Variants in TFAP2B observed in about 807,000 individuals in gnomAD.
The protein encoded by TFAP2B is transcription factor AP-2 beta.
Under a neutral mutation model 44.3 loss-of-function variants are expected in TFAP2B, and 9 were observed. That is an observed-to-expected ratio of 0.20 (90% confidence interval 0.12 to 0.35). The LOEUF (loss-of-function observed/expected upper bound fraction) is 0.35. Ranked by LOEUF, TFAP2B falls within the 10% of genes least tolerant of loss-of-function variation. TFAP2B has a pLI of 1.00. For synonymous variants in TFAP2B, 270 were observed against 263.8 expected (o/e 1.02, Z -0.23); for missense variants, 509 against 600.0 (o/e 0.85, Z 1.59).
At position 50,823,633 on chromosome 6, in the gene TFAP2B, A is replaced by C. The variant is rs560581205; in HGVS notation, c.308A>C (p.Gln103Pro). 6.2e-7 allele frequency: 1 copy of C among 1,614,062 alleles called. No individual in the cohort carries two copies. The highest frequency in any genetic ancestry group is 1.1e-5 in the South Asian group (1 of 91,076). ...YSLNPLHQPQQHPWGQRQRQE... is the reference protein window; with the variant it reads ...YSLNPLHQPQPHPWGQRQRQE... ...CTGAACCCACTGCACCAGCCCCAGC[A>C]ACATCCCTGGGGGCAACGGCAGCGG... is the stretch of plus-strand genomic sequence containing the variant. The change falls in exon 2 of 7, where the codon CAA becomes CCA. Residue 103 changes from glutamine (Q) to proline (P), a missense_variant. Transcript: ENST00000393655.
chr6:50,835,041 CCT>C (rs1346893501), intron 3 of TFAP2B, among the ~76,000 whole-genome samples: 1 of 152,206 alleles, frequency 6.6e-6, no homozygotes, highest in Non-Finnish European at 1.5e-5. Context: ...CTGAGCCTAG[CCT>C]CTTTCTGACA....
chr6:50,840,361 G>T lies in TFAP2B; in HGVS notation c.1082+64G>T, dbSNP rs1403045173. On this transcript the variant is annotated intron_variant, in intron 6 of 6. Coordinates refer to ENST00000393655, the MANE Select transcript of TFAP2B (RefSeq NM_003221.4). The stretch of plus-strand genomic sequence containing the variant: ...GCTGGCTAGGCCACCCGACTTTGGA[G>T]TAGGTGGTGGGGAGGGGCAGAGAAA... 5 of 1,595,876 alleles carry T rather than the reference G, an allele frequency of 3.1e-6. No homozygotes were observed. In the East Asian group the frequency reaches 1.1e-4, roughly 36 times the overall value.
Position 50,823,651 on chromosome 6 carries a change from G to A in TFAP2B, c.326G>A (p.Arg109Gln). The change falls in exon 2 of 7, where the codon CGG becomes CAG. Residue 109 changes from arginine (R) to glutamine (Q), a missense_variant. Physicochemically the swap from Arg to Gln is conservative, Grantham distance 43 (BLOSUM62 1). Coordinates refer to ENST00000393655, the MANE Select transcript of TFAP2B (RefSeq NM_003221.4). ...CCCCAGCAACATCCCTGGGGGCAAC[G>A]GCAGCGGCAAGAAGTGGGTTCGGAA... ...HQPQQHPWGQ[R>Q]QRQEVGSEAG... 3 of 1,614,020 alleles carry A rather than the reference G, an allele frequency of 1.9e-6. No individual in the cohort carries two copies. Among genetic ancestry groups the A allele is most frequent in the Non-Finnish European group, 2.5e-6 (3 of 1,179,964 alleles).
rs2113963367 is a variant in TFAP2B at position 50,844,391 on chromosome 6, G to A, written c.*999G>A. 1 of 152,370 alleles carries A rather than the reference G, an allele frequency of 6.6e-6. No homozygotes were observed. Among genetic ancestry groups the A allele is most frequent in the South Asian group, 2.1e-4 (1 of 4,824 alleles). The allele number at this position is 152,370 out of a possible 1,614,324, so 9.4% of individuals were successfully genotyped here. The stretch of plus-strand genomic sequence containing the variant: ...ATTTCATTCTCTTCTGTTTTCCAAA[G>A]CTTTGCCCGCATGGTTTATGAGCTT... On this transcript the variant is annotated 3_prime_UTR_variant, in exon 7 of 7. Coordinates refer to ENST00000393655, the MANE Select transcript of TFAP2B (RefSeq NM_003221.4).
At chr6:50,825,426 T>C (rs1770476377) in intron 2 of TFAP2B, among the ~76,000 whole-genome samples, 1 of 152,198 alleles carries the variant, frequency 6.6e-6, no homozygotes, top group African/African-American at 2.4e-5. Context: ...TTGATGATGC[T>C]AATGCCGGCC....
rs890115687 is a variant in TFAP2B, at chr6:50,847,180, A to T, written c.*3788A>T. The T allele has an allele frequency of 4.6e-5, 7 of 152,564 alleles. No homozygotes were observed. Among genetic ancestry groups the T allele is most frequent in the African/African-American group, 1.7e-4 (7 of 41,402 alleles). The allele number at this position is 152,564 out of a possible 1,614,324, so 9.5% of individuals were successfully genotyped here. ...CACCTTTGACGATGTATGTGAAATT[A>T]CTGGCTTAAAAAAAAAAGTATCAAT... On this transcript the variant is annotated 3_prime_UTR_variant, in exon 7 of 7. Coordinates refer to ENST00000393655, the MANE Select transcript of TFAP2B (RefSeq NM_003221.4).
At chr6:50,821,960 G>A (rs2857478) in intron 1 of TFAP2B, 94 of 315,412 alleles carry the variant, frequency 3.0e-4, no homozygotes, top group South Asian at 1.7e-3. Context: ...GACAGGCATC[G>A]CCAATCTTGT....
intron 5 of TFAP2B, 30 bp from the exon 6 acceptor site, chr6:50,840,126 G>A (rs1268738814): frequency 6.2e-7 from 1 of 1,613,520 alleles, no homozygotes; most frequent in East Asian, 2.2e-5. Context: ...CCTGGGTGCT[G>A]ATTATTACCT....
intron 5 of TFAP2B, among the ~76,000 whole-genome samples, chr6:50,839,874 C>G (rs1359091161): frequency 6.6e-6 from 1 of 152,102 alleles, no homozygotes; most frequent in Non-Finnish European, 1.5e-5. Flanking sequence ...TGGCTCTTGA[C>G]AAAAAGATTA....
intron 4 of TFAP2B, among the ~76,000 whole-genome samples, chr6:50,836,868 C>T (rs1762634146): frequency 6.6e-6 from 1 of 152,178 alleles, no homozygotes; most frequent in Admixed American, 6.5e-5. Flanking sequence ...CCAATAATAG[C>T]AATAATATCA....
chr6:50,821,415 G>C (rs1391692043), intron 1 of TFAP2B, among the ~76,000 whole-genome samples: 2 of 152,006 alleles, frequency 1.3e-5, no homozygotes, highest in Non-Finnish European at 2.9e-5. Context: ...TTTTGTTTTT[G>C]TAATCCTCAC....
chr6:50,840,050 G>T (rs375943729), intron 5 of TFAP2B, 106 bp from the exon 6 acceptor site: 6 of 1,465,072 alleles, frequency 4.1e-6, no homozygotes, highest in Non-Finnish European at 4.7e-6. Context: ...GGCTCCAACA[G>T]CTGGCCTTCT....
Position 50,828,687 on chromosome 6 carries a change from T to A in TFAP2B, c.601+8T>A, listed in dbSNP as rs1460642994. 1 of 1,613,896 alleles carries A rather than the reference T, an allele frequency of 6.2e-7. No homozygotes were observed. The highest frequency in any genetic ancestry group is 1.3e-5 in the African/African-American group (1 of 74,936). ...AGTCTGTCATTAAAAAAGGTATGGA[T>A]AATTCCCCCCAAAAAGTAAGCAAAG... On this transcript the variant is annotated splice_region_variant and intron_variant, in intron 3 of 6. Coordinates refer to ENST00000393655, the MANE Select transcript of TFAP2B (RefSeq NM_003221.4).
At chr6:50,837,321 C>T (rs1762642690) in intron 4 of TFAP2B, among the ~76,000 whole-genome samples, 1 of 152,150 alleles carries the variant, frequency 6.6e-6, no homozygotes, top group African/African-American at 2.4e-5. Context: ...TGCTTTGAGC[C>T]TCAGAGTGTG....
Position 50,823,525 on chromosome 6 carries a change from C to A in TFAP2B, c.200C>A (p.Pro67Gln). 1 of 1,613,864 alleles carries A rather than the reference C, an allele frequency of 6.2e-7. No individual in the cohort carries two copies. The highest frequency in any genetic ancestry group is 8.5e-7 in the Non-Finnish European group (1 of 1,179,936). The change falls in exon 2 of 7, where the codon CCG becomes CAG. Residue 67 changes from proline to glutamine, a missense_variant. Transcript: ENST00000393655. ...CACACCCCGTCGTCGGACTTCCAGC[C>A]GCCCTACTTCCCACCCCCCTACCAG... is the stretch of plus-strand genomic sequence containing the variant. Reference protein sequence around the residue: ...LSHTPSSDFQPPYFPPPYQPL... With the variant: ...LSHTPSSDFQQPYFPPPYQPL...
At position 50,835,827 on chromosome 6, in the gene TFAP2B, G is replaced by A. The variant is rs557444488; in HGVS notation, c.602-234G>A. On this transcript the variant is annotated intron_variant, in intron 3 of 6. Transcript: ENST00000393655. ...GATTTGGGTAGTGAGCAGGACTGTA[G>A]CAAATGACACTCATATGTCTACACA... 2.6e-5 allele frequency among the ~76,000 whole-genome samples: 4 copies of A among 152,332 alleles called. No homozygotes were observed. The South Asian group carries it at 8.3e-4, about 32-fold the overall frequency.
chr6:50,832,369 T>G (rs1019918036), intron 3 of TFAP2B, among the ~76,000 whole-genome samples: 11 of 152,264 alleles, frequency 7.2e-5, no homozygotes. Context: ...TTCTAGACTC[T>G]GTCCCTATAA....
chr6:50,843,550 T>A lies in TFAP2B; in HGVS notation c.*158T>A. 2 of 819,510 alleles carry A rather than the reference T, an allele frequency of 2.4e-6. No homozygotes were observed. The highest frequency in any genetic ancestry group is 3.7e-6 in the Non-Finnish European group (2 of 544,490). 50.8% of individuals were successfully genotyped at this position (819,510 alleles called of 1,614,324 possible). ...TTTTAAAAAAAAAAGCTAAATAACT[T>A]AAAAAAAAACTGAGGCGTACAACGG... On this transcript the variant is annotated 3_prime_UTR_variant, in exon 7 of 7. Transcript: ENST00000393655.
rs1351475791 is a variant in TFAP2B, at chr6:50,828,642, C to T, written c.564C>T (p.Ser188=). 3.7e-6 allele frequency: 6 copies of T among 1,613,872 alleles called. No individual in the cohort carries two copies. The highest frequency in any genetic ancestry group is 2.2e-5 in the South Asian group (2 of 91,056). Residue 188 remains serine (S), a synonymous_variant, in exon 3 of 7, where the codon AGC becomes AGT. Coordinates refer to ENST00000393655, the MANE Select transcript of TFAP2B (RefSeq NM_003221.4). ...DVQSVEDANN[S]GMNLLDQSVI... ...AGTCAGTTGAAGATGCCAATAACAG[C>T]GGCATGAATCTATTGGACCAGTCTG...
Sources: gnomAD v4.1 joint callset for allele counts (sites outside exome capture counted in the v4.1 genomes callset) on GRCh38, gnomAD v4.1.1 for gene constraint, MANE v1.5 for transcripts, NCBI Gene and HGNC (gene_info 2026-07-23, HGNC 2026-07-21) for gene names.